PAK2: variants seen among roughly 807,000 people sequenced by gnomAD.
PAK2 encodes the protein p21 (RAC1) activated kinase 2, also known as serine/threonine-protein kinase PAK 2.
In PAK2, 21 loss-of-function variants were observed where a neutral mutation model predicts 65.9. The observed-to-expected ratio is 0.32, with a 90% CI of 0.23 to 0.46. The LOEUF (loss-of-function observed/expected upper bound fraction) is 0.46. Among genes scored for constraint, PAK2 ranks in the 20% least tolerant of loss-of-function variants. PAK2 has a pLI of 1.00. For missense variants in PAK2, 324 were observed against 642.6 expected (o/e 0.50, Z 5.36); for synonymous variants, 204 against 219.7 (o/e 0.93, Z 0.63).
Position 196,807,913 on chromosome 3 carries a change from A to C in PAK2, c.708A>C (p.Leu236Phe). Residue 236 changes from leucine to phenylalanine, a missense_variant and splice_region_variant, in exon 7 of 15, where the codon TTA (leucine) becomes TTC (phenylalanine). Physicochemically the swap from Leu to Phe is conservative, Grantham distance 22. Around this residue, in one of 5 missense-constraint regions of PAK2, gnomAD observed 183 missense variants for 246.2 expected, o/e 0.74. Coordinates refer to ENST00000327134, the MANE Select transcript of PAK2 (RefSeq NM_002577.4). ...CAGATGAAGAGATTATGGAGAAATT[A>C]AGTATGTTATCTACATTTTACATCA... ...KMTDEEIMEKLRTIVSIGDPK... is the reference protein window; with the variant it reads ...KMTDEEIMEKFRTIVSIGDPK... The C allele has an allele frequency of 6.3e-7, 1 of 1,587,358 alleles. No homozygotes were observed. Among genetic ancestry groups the C allele is most frequent in the Non-Finnish European group, 8.6e-7 (1 of 1,157,200 alleles).
intron 3 of PAK2, 106 bp from the exon 4 acceptor site, chr3:196,802,911 C>T: frequency 1.5e-6 from 1 of 664,614 alleles, no homozygotes. Flanking sequence ...CTCAAACCTA[C>T]ACTCAAAAGA....
At chr3:196,794,445 T>TC (rs1487215684) in intron 2 of PAK2, among the ~76,000 whole-genome samples, 1 of 152,162 alleles carries the variant, frequency 6.6e-6, no homozygotes, top group Non-Finnish European at 1.5e-5. Context: ...GAATCGGACT[T>TC]CCGTATCTGC....
intron 2 of PAK2, among the ~76,000 whole-genome samples, chr3:196,792,963 G>C (rs1176698064): frequency 5.3e-5 from 8 of 152,148 alleles, no homozygotes; most frequent in Non-Finnish European, 1.2e-4. Flanking sequence ...CGTTTGCAGA[G>C]GGGAATCTGT....
intron 2 of PAK2, among the ~76,000 whole-genome samples, chr3:196,786,448 A>C (rs1300830695): frequency 6.6e-6 from 1 of 152,162 alleles, no homozygotes; most frequent in Non-Finnish European, 1.5e-5. Flanking sequence ...GGCGTGAGCC[A>C]CCGTGCCTGT....
Position 196,784,384 on chromosome 3 carries a change from A to G in PAK2, c.187+1551A>G, listed in dbSNP as rs1164597274. Among the ~76,000 whole-genome samples the G allele has an allele frequency of 1.3e-3, 72 of 56,706 alleles. No individual in the cohort carries two copies. The Middle Eastern group carries it at 0.022, about 18-fold the overall frequency. The allele number at this position is 56,706 out of a possible 152,430, so 37.2% of individuals were successfully genotyped here. Reference sequence around the variant, plus strand: ...AATGCTATCCCTCCCCCCTCCCCCCACCCCACCACAGTCCCCAGAGTGTGA... The same window carrying G: ...AATGCTATCCCTCCCCCCTCCCCCCGCCCCACCACAGTCCCCAGAGTGTGA... On this transcript the variant is annotated intron_variant, in intron 2 of 14. Coordinates refer to ENST00000327134, the MANE Select transcript of PAK2 (RefSeq NM_002577.4).
Position 196,829,644 on chromosome 3 carries a change from C to G in PAK2, c.*1239C>G, listed in dbSNP as rs1222884050. On this transcript the variant is annotated 3_prime_UTR_variant, in exon 15 of 15. Transcript: ENST00000327134. ...GAGACTTGGCGGCGGTGGCATTGCC[C>G]CAGGTCGTCAGCAGTGTGGTATTAT... 6.6e-6 allele frequency: 1 copy of G among 152,078 alleles called. No homozygotes were observed. The highest frequency in any genetic ancestry group is 2.4e-5 in the African/African-American group (1 of 41,394). 9.4% of individuals were successfully genotyped at this position (152,078 alleles called of 1,614,324 possible).
At chr3:196,798,102 A>C (rs550948474) in intron 2 of PAK2, among the ~76,000 whole-genome samples, 1 of 152,302 alleles carries the variant, frequency 6.6e-6, no homozygotes, top group African/African-American at 2.4e-5. Context: ...AAATAATAAA[A>C]AGCAAAATGG....
chr3:196,827,358 G>A (rs1299076025), intron 14 of PAK2, 25 bp downstream of exon 14: 2 of 1,591,606 alleles, frequency 1.3e-6, no homozygotes, highest in South Asian at 2.3e-5. Context: ...GATTTCATTT[G>A]GGGGAATAGT....
chr3:196,818,443 T>C (rs908345034), intron 12 of PAK2, among the ~76,000 whole-genome samples: 18 of 152,082 alleles, frequency 1.2e-4, no homozygotes, highest in African/African-American at 4.3e-4. Context: ...CAGGCTGGAG[T>C]GCAACCTCCG....
intron 1 of PAK2, among the ~76,000 whole-genome samples, chr3:196,764,154 T>C (rs2108723519): frequency 6.6e-6 from 1 of 152,220 alleles, no homozygotes; most frequent in Admixed American, 6.5e-5. Flanking sequence ...GGTGTAATAA[T>C]GCTAAACTTT....
chr3:196,746,451 C>G (rs1435817595), intron 1 of PAK2, among the ~76,000 whole-genome samples: 1 of 151,918 alleles, frequency 6.6e-6, no homozygotes, highest in Non-Finnish European at 1.5e-5. Context: ...AACCAAAATC[C>G]CACTCATATT....
intron 1 of PAK2, among the ~76,000 whole-genome samples, chr3:196,748,974 G>C (rs532525415): frequency 6.6e-6 from 1 of 152,104 alleles, no homozygotes; most frequent in Admixed American, 6.5e-5. Context: ...CATGATTTTG[G>C]CTACTCTTAT....
At chr3:196,790,883 A>G (rs6796039) in intron 2 of PAK2, among the ~76,000 whole-genome samples, 45,835 of 152,138 alleles carry the variant, frequency 0.3, 7,712 homozygotes, top group African/African-American at 0.43. Context: ...ATCAAAGGTT[A>G]GTCTTAGGAC....
At chr3:196,741,825 G>C (rs980128288) in intron 1 of PAK2, among the ~76,000 whole-genome samples, 6 of 151,608 alleles carry the variant, frequency 4.0e-5, no homozygotes, top group Admixed American at 3.3e-4. Flanking sequence ...TTTGAAACTT[G>C]GTCTGTAGAT....
intron 1 of PAK2, among the ~76,000 whole-genome samples, chr3:196,768,193 G>A (rs955082945): frequency 5.3e-5 from 8 of 151,960 alleles, no homozygotes; most frequent in African/African-American, 1.7e-4. Context: ...GCAAAACATC[G>A]GATACCTGTG....
chr3:196,816,775 G>C (rs12497046), intron 11 of PAK2, among the ~76,000 whole-genome samples: 43,285 of 152,036 alleles, frequency 0.28, 6,240 homozygotes, highest in Middle Eastern at 0.38. Context: ...AAACACAAGA[G>C]TGAGCAGATT....
chr3:196,776,438 A>G (rs1009233542), intron 1 of PAK2, among the ~76,000 whole-genome samples: 4 of 152,214 alleles, frequency 2.6e-5, no homozygotes, highest in African/African-American at 9.7e-5. Context: ...TGGAAGAACA[A>G]CTGACCCACA....
chr3:196,763,458 G>A (rs1313775502), intron 1 of PAK2, among the ~76,000 whole-genome samples: 3 of 151,984 alleles, frequency 2.0e-5, no homozygotes, highest in Non-Finnish European at 4.4e-5. Flanking sequence ...ATCGTGTCCC[G>A]GCAAAGGAAA....
At chr3:196,782,134 T>G (rs888689888) in intron 1 of PAK2, among the ~76,000 whole-genome samples, 2 of 151,842 alleles carry the variant, frequency 1.3e-5, no homozygotes, top group Non-Finnish European at 2.9e-5. Context: ...TTTAGGAAAG[T>G]TACTGTGAAG....
Sources: allele counts gnomAD v4.1 joint callset (sites outside exome capture counted in the v4.1 genomes callset), GRCh38; gene constraint gnomAD v4.1.1; regional missense constraint gnomAD v4.1.1; transcripts MANE v1.5; gene names NCBI Gene and HGNC (gene_info 2026-07-23, HGNC 2026-07-21).